ANKS1B: variants seen among roughly 807,000 people sequenced by gnomAD.
The protein encoded by ANKS1B is ankyrin repeat and sterile alpha motif domain containing 1B.
Under a neutral mutation model 148.3 loss-of-function variants are expected in ANKS1B, and 36 were observed. The observed-to-expected ratio is 0.24, with a 90% CI of 0.19 to 0.32. The LOEUF (loss-of-function observed/expected upper bound fraction) is 0.32. Ranked by LOEUF, ANKS1B falls within the 10% of genes least tolerant of loss-of-function variation. The probability of loss-of-function intolerance (pLI) is 1.00; values close to 1 mark genes in which losing one functional copy is unlikely to be tolerated. For synonymous variants in ANKS1B, 542 were observed against 560.8 expected (o/e 0.97, Z 0.47); for missense variants, 1,157 against 1,542.6 (o/e 0.75, Z 4.19).
At chr12:99,385,182 T>C (rs1017845616) in intron 12 of ANKS1B, among the ~76,000 whole-genome samples, 2 of 152,332 alleles carry the variant, frequency 1.3e-5, no homozygotes, top group East Asian at 3.9e-4. Flanking sequence ...AAAGTGCAAC[T>C]AATAGGCTGA....
chr12:99,077,040 A>C (rs910918142), intron 16 of ANKS1B, among the ~76,000 whole-genome samples: 1 of 152,162 alleles, frequency 6.6e-6, no homozygotes, highest in Non-Finnish European at 1.5e-5. Context: ...CGGCAAAAAA[A>C]CAAAAAACAA....
intron 17 of ANKS1B, among the ~76,000 whole-genome samples, chr12:98,927,261 T>G (rs2099809494): frequency 6.6e-6 from 1 of 151,954 alleles, no homozygotes; most frequent in South Asian, 2.1e-4. Context: ...AACCACCAGT[T>G]AAAAACAAAG....
At chr12:98,925,632 C>A (rs998380210) in intron 17 of ANKS1B, among the ~76,000 whole-genome samples, 2 of 152,150 alleles carry the variant, frequency 1.3e-5, no homozygotes, top group Non-Finnish European at 2.9e-5. Context: ...CACTTATAAC[C>A]ATCTGCCTCT....
At chr12:99,483,433 A>T (rs2096443772) in intron 10 of ANKS1B, among the ~76,000 whole-genome samples, 1 of 151,864 alleles carries the variant, frequency 6.6e-6, no homozygotes, top group Non-Finnish European at 1.5e-5. Context: ...ATCTACGTTC[A>T]TCAGGGTAAT....
At chr12:99,420,354 A>T (rs933472906) in intron 11 of ANKS1B, among the ~76,000 whole-genome samples, 11 of 152,218 alleles carry the variant, frequency 7.2e-5, no homozygotes, top group Non-Finnish European at 1.3e-4. Flanking sequence ...GTTAGTAGGT[A>T]GAATAAAGTT....
At chr12:99,771,100 A>G (rs2063147202) in intron 8 of ANKS1B, among the ~76,000 whole-genome samples, 1 of 152,104 alleles carries the variant, frequency 6.6e-6, no homozygotes, top group Non-Finnish European at 1.5e-5. Flanking sequence ...GAAAGATAGA[A>G]GCTTGAATCA....
chr12:99,312,957 C>T (rs766701727), intron 12 of ANKS1B, among the ~76,000 whole-genome samples: 3 of 151,922 alleles, frequency 2.0e-5, no homozygotes, highest in South Asian at 4.1e-4. Flanking sequence ...ACATGAAAAA[C>T]CCTCCAAAAA....
intron 7 of ANKS1B, among the ~76,000 whole-genome samples, chr12:99,774,771 G>A (rs2063499917): frequency 6.6e-6 from 1 of 152,124 alleles, no homozygotes; most frequent in African/African-American, 2.4e-5. Flanking sequence ...AAAATGCAAT[G>A]TGTGTATACA....
At chr12:99,761,789 T>C (rs1454914815) in intron 8 of ANKS1B, among the ~76,000 whole-genome samples, 1 of 152,106 alleles carries the variant, frequency 6.6e-6, no homozygotes, top group Non-Finnish European at 1.5e-5. Flanking sequence ...ATTCTATGCC[T>C]AGAAAACCCT....
downstream of ANKS1B, among the ~76,000 whole-genome samples, chr12:98,742,998 G>GTTAT (rs1351432883): frequency 6.6e-6 from 1 of 152,146 alleles, no homozygotes; most frequent in Non-Finnish European, 1.5e-5. Context: ...AACTTAGAAA[G>GTTAT]TTATTTTTTT....
rs1251262305 is a variant in ANKS1B, at chr12:98,745,482, GA to G, written c.*256del. Reference sequence around the variant, plus strand: ...CAGAAATACCTTGGGAGGTGGTGGGGAGGGGAGTCGGGAGCATCAGGGAAAA... The same window carrying G: ...CAGAAATACCTTGGGAGGTGGTGGGGGGGGAGTCGGGAGCATCAGGGAAAA... On this transcript the variant is annotated 3_prime_UTR_variant, in exon 27 of 27. Transcript: ENST00000683438. The G allele has an allele frequency of 1.2e-5, 14 of 1,159,400 alleles. No individual in the cohort carries two copies. The Admixed American group carries it at 1.4e-4, about 12-fold the overall frequency. The allele number at this position is 1,159,400 out of a possible 1,614,324, so 71.8% of individuals were successfully genotyped here.
At chr12:99,697,459 A>G (rs2054105828) in intron 8 of ANKS1B, among the ~76,000 whole-genome samples, 2 of 152,170 alleles carry the variant, frequency 1.3e-5, no homozygotes, top group South Asian at 4.1e-4. Flanking sequence ...TTAAATTTAT[A>G]TTACTAAGTA....
chr12:99,455,246 A>G (rs950208279), intron 10 of ANKS1B, among the ~76,000 whole-genome samples: 79 of 152,166 alleles, frequency 5.2e-4, no homozygotes, highest in African/African-American at 1.7e-3. Flanking sequence ...CCTACTAAGT[A>G]GCCACTGACT....
chr12:99,670,990 T>G (rs1369880562), intron 8 of ANKS1B, among the ~76,000 whole-genome samples: 1 of 152,154 alleles, frequency 6.6e-6, no homozygotes, highest in African/African-American at 2.4e-5. Context: ...TACTTCTTAT[T>G]CTACTGAGAT....
intron 12 of ANKS1B, among the ~76,000 whole-genome samples, chr12:99,368,258 T>C (rs2092894914): frequency 6.6e-6 from 1 of 152,114 alleles, no homozygotes; most frequent in African/African-American, 2.4e-5. Flanking sequence ...AAAGGTTGAA[T>C]AACTACCCAC....
rs529051939 is a variant in ANKS1B, at chr12:99,244,325, G to C, written c.2419+17C>G. 3 of 1,577,390 alleles carry C rather than the reference G, an allele frequency of 1.9e-6. No homozygotes were observed. Among genetic ancestry groups the C allele is most frequent in the Non-Finnish European group, 2.6e-6 (3 of 1,152,596 alleles). ...AAGCACATTTATTCATTATAATGTA[G>C]AGGAAGGTTGCCTTACTTGTGGTCT... On this transcript the variant is annotated intron_variant, in intron 14 of 26. Transcript: ENST00000683438.
intron 14 of ANKS1B, among the ~76,000 whole-genome samples, chr12:99,193,992 G>A (rs1251433370): frequency 6.6e-6 from 1 of 151,448 alleles, no homozygotes; most frequent in Non-Finnish European, 1.5e-5. Context: ...AGTAGAGATG[G>A]GGTTTCATCA....
intron 23 of ANKS1B, among the ~76,000 whole-genome samples, chr12:98,781,696 G>C (rs1255406782): frequency 6.6e-6 from 1 of 152,086 alleles, no homozygotes; most frequent in Admixed American, 6.6e-5. Context: ...TTAAAATAGG[G>C]ATGTAAAAGA....
intron 9 of ANKS1B, among the ~76,000 whole-genome samples, chr12:99,511,763 T>C (rs1407740573): frequency 6.6e-6 from 1 of 151,648 alleles, no homozygotes; most frequent in Non-Finnish European, 1.5e-5. Flanking sequence ...ATATCACACA[T>C]CTACAACAAT....
Sources: allele counts gnomAD v4.1 joint callset (sites outside exome capture counted in the v4.1 genomes callset), GRCh38; gene constraint gnomAD v4.1.1; transcripts MANE v1.5; gene names NCBI Gene and HGNC (gene_info 2026-07-23, HGNC 2026-07-21).